Variants in FOXP1 observed in about 807,000 individuals in gnomAD.
FOXP1 encodes the protein forkhead box protein P1.
A neutral mutation model predicts 98.2 loss-of-function variants in FOXP1; 15 were observed. The ratio of observed to expected loss-of-function variants is 0.15; its 90% confidence interval spans 0.10 to 0.24. The LOEUF (loss-of-function observed/expected upper bound fraction) is 0.24, where lower values mean the gene tolerates loss of function less well. Ranked by LOEUF, FOXP1 falls within the 10% of genes least tolerant of loss-of-function variation. The pLI is 1.00. For synonymous variants in FOXP1, 371 were observed against 314.5 expected, an observed-to-expected ratio of 1.18 and a Z score of -1.90; for missense variants, 633 against 848.5, an observed-to-expected ratio of 0.75 and a Z score of 3.15.
chr3:71,244,964 A>AT (rs1242625478), intron 5 of FOXP1: 1 of 151,856 alleles, frequency 6.6e-6, no homozygotes, highest in Non-Finnish European at 1.5e-5. Context: ...GGGGGGAAAA[A>AT]AAAAAAAGGA....
intron 3 of FOXP1, among the ~76,000 whole-genome samples, chr3:71,431,555 C>T (rs116663689): frequency 6.6e-6 from 1 of 152,246 alleles, no homozygotes; most frequent in Non-Finnish European, 1.5e-5. Context: ...TCCAGGGTCG[C>T]GAACCAAGTA....
At chr3:71,266,586 G>A (rs1309588452) in intron 5 of FOXP1, among the ~76,000 whole-genome samples, 1 of 151,996 alleles carries the variant, frequency 6.6e-6, no homozygotes, top group Non-Finnish European at 1.5e-5. Flanking sequence ...TTATATTTTT[G>A]TTATTTTATT....
intron 6 of FOXP1, among the ~76,000 whole-genome samples, chr3:71,168,630 A>G (rs1231339357): frequency 1.3e-5 from 2 of 152,266 alleles, no homozygotes; most frequent in Non-Finnish European, 2.9e-5. Flanking sequence ...CAGGAAAAGA[A>G]GCTGGGAAAA....
intron 5 of FOXP1, among the ~76,000 whole-genome samples, chr3:71,271,718 G>T (rs1055457118): frequency 4.6e-5 from 7 of 152,200 alleles, no homozygotes; most frequent in Non-Finnish European, 8.8e-5. Flanking sequence ...GCTGTCTGTT[G>T]CTTCCCTACA....
At chr3:71,372,512 C>A (rs564831684) in intron 3 of FOXP1, among the ~76,000 whole-genome samples, 1 of 152,072 alleles carries the variant, frequency 6.6e-6, no homozygotes, top group Admixed American at 6.5e-5. Context: ...TCCAGGAGAA[C>A]AGAGTTCTCC....
At chr3:71,480,983 C>T (rs907522365) in intron 3 of FOXP1, among the ~76,000 whole-genome samples, 2 of 152,144 alleles carry the variant, frequency 1.3e-5, no homozygotes, top group African/African-American at 2.4e-5. Context: ...CAGGCAATAT[C>T]CTTCATTCTT....
At chr3:71,191,073 G>A (rs1312647880) in intron 6 of FOXP1, among the ~76,000 whole-genome samples, 1 of 152,150 alleles carries the variant, frequency 6.6e-6, no homozygotes, top group African/African-American at 2.4e-5. Context: ...AGTAATCTAT[G>A]CACTACCTAA....
rs149552411 is a variant in FOXP1 at position 71,538,109 on chromosome 3, A to G, written c.-298+43440T>C. 1.4e-4 allele frequency among the ~76,000 whole-genome samples: 22 copies of G among 152,346 alleles called. 1 individual carries two copies. In the East Asian group the frequency reaches 4.0e-3, roughly 28 times the overall value. ...CCCTGCATTAGCCAAAAGAGAGCAC[A>G]ATCAGCAGTGCCTCATTCTACAAGT... On this transcript the variant is annotated intron_variant, in intron 2 of 20. Transcript: ENST00000649528.
At chr3:71,535,275 C>T (rs561415776) in intron 2 of FOXP1, among the ~76,000 whole-genome samples, 1 of 152,242 alleles carries the variant, frequency 6.6e-6, no homozygotes, top group African/African-American at 2.4e-5. Flanking sequence ...CAGAACCTGA[C>T]CTTCAGGTAA....
chr3:71,041,579 G>T (rs373993260), intron 10 of FOXP1, 47 bp from the exon 11 acceptor site: 5 of 1,551,796 alleles, frequency 3.2e-6, no homozygotes, highest in Non-Finnish European at 4.4e-6. Context: ...AGCTAATTCC[G>T]TCCTCTTCAA....
chr3:71,141,890 G>C (rs1488628122), intron 6 of FOXP1, among the ~76,000 whole-genome samples: 1 of 152,186 alleles, frequency 6.6e-6, no homozygotes, highest in African/African-American at 2.4e-5. Flanking sequence ...CACAAGTAAA[G>C]AAGAAATCAA....
At chr3:71,486,074 G>T (rs1258613310) in intron 3 of FOXP1, among the ~76,000 whole-genome samples, 1 of 151,984 alleles carries the variant, frequency 6.6e-6, no homozygotes, top group Non-Finnish European at 1.5e-5. Flanking sequence ...TGAGGAAGTA[G>T]CATGTCCTCA....
intron 6 of FOXP1, among the ~76,000 whole-genome samples, chr3:71,149,848 A>G (rs2060488496): frequency 6.6e-6 from 1 of 152,238 alleles, no homozygotes; most frequent in African/African-American, 2.4e-5. Flanking sequence ...AGAGAAGGGA[A>G]TGCGACAGGA....
At chr3:71,357,541 C>T (rs562357043) in intron 4 of FOXP1, among the ~76,000 whole-genome samples, 1 of 152,306 alleles carries the variant, frequency 6.6e-6, no homozygotes, top group East Asian at 1.9e-4. Context: ...TTTCTTAGTA[C>T]TAGAACCCAG....
At chr3:71,238,566 T>C (rs1031306602) in intron 5 of FOXP1, among the ~76,000 whole-genome samples, 25 of 152,210 alleles carry the variant, frequency 1.6e-4, no homozygotes, top group Admixed American at 1.4e-3. Context: ...CCTGGGACAA[T>C]GTCTGCATCA....
intron 4 of FOXP1, among the ~76,000 whole-genome samples, chr3:71,324,221 TG>T (rs1324471412): frequency 1.3e-5 from 2 of 152,220 alleles, no homozygotes; most frequent in African/African-American, 2.4e-5. Flanking sequence ...TGTTTAGTTC[TG>T]AATACCAATT....
intron 3 of FOXP1, among the ~76,000 whole-genome samples, chr3:71,392,117 T>C (rs972153156): frequency 1.3e-5 from 2 of 152,210 alleles, no homozygotes; most frequent in Non-Finnish European, 2.9e-5. Context: ...TGATATCAGA[T>C]TGGTCCTATC....
At chr3:71,354,308 T>C (rs1229688335) in intron 4 of FOXP1, among the ~76,000 whole-genome samples, 1 of 150,662 alleles carries the variant, frequency 6.6e-6, no homozygotes, top group Non-Finnish European at 1.5e-5. Flanking sequence ...GAGAAGAGAA[T>C]TTAAGGAAAT....
intron 7 of FOXP1, among the ~76,000 whole-genome samples, chr3:71,089,872 C>G (rs1243631949): frequency 6.6e-6 from 1 of 152,190 alleles, no homozygotes; most frequent in Non-Finnish European, 1.5e-5. Flanking sequence ...AGACAGCAGA[C>G]AGGCAGGCTA....
Sources: gnomAD v4.1 joint callset for allele counts (sites outside exome capture counted in the v4.1 genomes callset) on GRCh38, gnomAD v4.1.1 for gene constraint, MANE v1.5 for transcripts, NCBI Gene and HGNC (gene_info 2026-07-23, HGNC 2026-07-21) for gene names.